The following USP24 variants were observed in gnomAD, a reference collection of about 807,000 sequenced individuals.
USP24 encodes ubiquitin specific peptidase 24, also known as ubiquitin carboxyl-terminal hydrolase 24.
In USP24, 97 loss-of-function variants were observed where a neutral mutation model predicts 361.6. The observed-to-expected ratio is 0.27, with a 90% CI of 0.23 to 0.32. The LOEUF (loss-of-function observed/expected upper bound fraction) is 0.32, where lower values mean the gene tolerates loss of function less well. Among genes scored for constraint, USP24 ranks in the 10% least tolerant of loss-of-function variants. The probability of loss-of-function intolerance (pLI) is 1.00; values close to 1 mark genes in which losing one functional copy is unlikely to be tolerated. For synonymous variants in USP24, 1,098 were observed against 1,124.6 expected, an observed-to-expected ratio of 0.98 and a Z score of 0.47; for missense variants, 2,353 against 3,165.6, an observed-to-expected ratio of 0.74 and a Z score of 6.16.
chr1:55,109,075 G>C (rs1053058622), intron 39 of USP24, among the ~76,000 whole-genome samples: 4 of 152,172 alleles, frequency 2.6e-5, no homozygotes, highest in Admixed American at 2.6e-4. Context: ...TGCAACCTCT[G>C]CCTCCTGGGT....
chr1:55,215,050 TG>T lies in USP24; in HGVS notation c.63del (p.Thr22ProfsTer115). Reference sequence around the variant, plus strand: ...GCCAGGCGCAGGGCCTTGCGGATGGTGGCGGGGTCTGAGAAGCCCATGCACA... The same window carrying T: ...GCCAGGCGCAGGGCCTTGCGGATGGTGCGGGGTCTGAGAAGCCCATGCACA... ...TLLCMGFSDP[A>X]TIRKALRLAK... On this transcript the variant is annotated frameshift_variant, in exon 1 of 68. Coordinates refer to ENST00000294383, the MANE Select transcript of USP24 (RefSeq NM_015306.3). LOFTEE classifies it high-confidence loss of function. The T allele has an allele frequency of 6.8e-7, 1 of 1,464,734 alleles. No individual in the cohort carries two copies. The highest frequency in any genetic ancestry group is 9.0e-7 in the Non-Finnish European group (1 of 1,105,444). The allele number at this position is 1,464,734 out of a possible 1,614,324, so 90.7% of individuals were successfully genotyped here. A position where few individuals can be genotyped will look rare whatever the true frequency, so the allele number is the denominator to read the frequency against.
chr1:55,096,372 T>C, intron 50 of USP24, 126 bp downstream of exon 50: 4 of 782,604 alleles, frequency 5.1e-6, no homozygotes, highest in Non-Finnish European at 5.4e-6. Flanking sequence ...ATGGTTCTAT[T>C]GCTAGAACAG....
At chr1:55,155,053 A>G (rs1647494398) in intron 12 of USP24, among the ~76,000 whole-genome samples, 1 of 152,084 alleles carries the variant, frequency 6.6e-6, no homozygotes, top group East Asian at 1.9e-4. Context: ...TCAGTGTGAC[A>G]TATTTCACTT....
Position 55,162,256 on chromosome 1 carries a change from T to A in USP24, c.936A>T (p.Ser312=), listed in dbSNP as rs1477209584. 6.3e-7 allele frequency: 1 copy of A among 1,575,668 alleles called. No individual in the cohort carries two copies. Among genetic ancestry groups the A allele is most frequent in the Admixed American group, 1.9e-5 (1 of 52,648 alleles). ...ACACTCCTAAGGGCTGAATCAGTGC[T>A]GAGACAGCCTGGAAAAAGACAGTGA... ...HSEDIELGAV[S]ALIQPLGVCA... is the part of the protein sequence containing the mutation. The change falls in exon 8 of 68, where the codon TCA becomes TCT. Residue 312 remains serine (S), a synonymous_variant. Coordinates refer to ENST00000294383, the MANE Select transcript of USP24 (RefSeq NM_015306.3).
At chr1:55,176,563 T>G (rs1650000757) in intron 2 of USP24, 120 bp from the exon 3 acceptor site, 3 of 852,982 alleles carry the variant, frequency 3.5e-6, no homozygotes, top group East Asian at 5.5e-5. Context: ...ATCATATACA[T>G]CATTCTAAAT....
rs772865911 is a variant in USP24 at position 55,075,625 on chromosome 1, G to GACA, written c.7381-105_7381-103dup. The GACA allele has an allele frequency of 1.3e-5, 8 of 624,572 alleles. No homozygotes were observed. The African/African-American group carries it at 2.0e-4, about 15-fold the overall frequency. 38.7% of individuals were successfully genotyped at this position (624,572 alleles called of 1,614,324 possible). A position where few individuals can be genotyped will look rare whatever the true frequency, so the allele number is the denominator to read the frequency against. On this transcript the variant is annotated intron_variant, in intron 62 of 67. Transcript: ENST00000294383. ...TACCCAAGAGATTAATTTAGTGTTT[G>GACA]ACAACAACAACAACAACAACAACAA...
At chr1:55,069,618 C>T (rs1644879262) in intron 67 of USP24, among the ~76,000 whole-genome samples, 1 of 151,616 alleles carries the variant, frequency 6.6e-6, no homozygotes, top group Admixed American at 6.6e-5. Context: ...GGAGCAAGGA[C>T]AGTCTCTCTA....
At chr1:55,183,022 A>G (rs1368080539) in intron 1 of USP24, among the ~76,000 whole-genome samples, 1 of 152,154 alleles carries the variant, frequency 6.6e-6, no homozygotes, top group South Asian at 2.1e-4. Flanking sequence ...CCTGGCCAAA[A>G]AACAGTCTAA....
At chr1:55,175,283 A>C (rs973370867) in intron 3 of USP24, among the ~76,000 whole-genome samples, 2 of 129,826 alleles carry the variant, frequency 1.5e-5, no homozygotes, top group Non-Finnish European at 3.1e-5. Context: ...CTGGAGTGCA[A>C]TGGTGTGATC....
Position 55,212,977 on chromosome 1 carries a change from G to A in USP24, c.324+1813C>T, listed in dbSNP as rs1428584140. Reference sequence around the variant, plus strand: ...GTACTGGCAGTAAGCTAAGGTTAGCGCTAATGTTAACATGAATGCACCAAG... The same window carrying A: ...GTACTGGCAGTAAGCTAAGGTTAGCACTAATGTTAACATGAATGCACCAAG... On this transcript the variant is annotated intron_variant, in intron 1 of 67. Coordinates refer to ENST00000294383, the MANE Select transcript of USP24 (RefSeq NM_015306.3). 2.0e-5 allele frequency among the ~76,000 whole-genome samples: 3 copies of A among 152,232 alleles called. No homozygotes were observed. The South Asian group carries it at 6.2e-4, about 32-fold the overall frequency.
intron 39 of USP24, among the ~76,000 whole-genome samples, chr1:55,107,852 A>AAC (rs1645827877): frequency 7.2e-6 from 1 of 139,034 alleles, no homozygotes; most frequent in African/African-American, 2.7e-5. Context: ...AAAAAAAAAA[A>AAC]AAAAAAAAAA....
Position 55,143,124 on chromosome 1 carries a change from T to C in USP24, c.2440-5A>G. 1 of 1,479,552 alleles carries C rather than the reference T, an allele frequency of 6.8e-7. No individual in the cohort carries two copies. Among genetic ancestry groups the C allele is most frequent in the Non-Finnish European group, 8.9e-7 (1 of 1,121,554 alleles). The allele number at this position is 1,479,552 out of a possible 1,614,324, so 91.7% of individuals were successfully genotyped here. On this transcript the variant is annotated splice_polypyrimidine_tract_variant and splice_region_variant and intron_variant, in intron 21 of 67. Transcript: ENST00000294383. ...CAATTCCAGCTTTTCTACATACTGT[T>C]CAAAAGAAAAAAAATTAAATTATAA...
intron 1 of USP24, among the ~76,000 whole-genome samples, chr1:55,208,024 T>C (rs1459658998): frequency 6.6e-6 from 1 of 152,236 alleles, no homozygotes; most frequent in African/African-American, 2.4e-5. Context: ...GTATCATGGC[T>C]GAAGCATTTT....
intron 1 of USP24, among the ~76,000 whole-genome samples, chr1:55,213,464 A>G (rs1393225766): frequency 6.6e-6 from 1 of 152,228 alleles, no homozygotes; most frequent in Non-Finnish European, 1.5e-5. Flanking sequence ...AACTGTTGCA[A>G]AAGCATACAA....
At chr1:55,092,776 A>C in intron 53 of USP24, 45 bp downstream of exon 53, 1 of 1,354,256 alleles carries the variant, frequency 7.4e-7, no homozygotes, top group Non-Finnish European at 1.0e-6. Flanking sequence ...AAGCATATTT[A>C]ATTGTAACCC....
Position 55,139,016 on chromosome 1 carries a change from G to T in USP24, c.2751-6C>A, listed in dbSNP as rs771720465. ...TTATTACAAGTTTAGTAGATCTATA[G>T]ATTAAAAAAAAAAAGTATTAAAATG... On this transcript the variant is annotated splice_region_variant and splice_polypyrimidine_tract_variant and intron_variant, in intron 24 of 67. Coordinates refer to ENST00000294383, the MANE Select transcript of USP24 (RefSeq NM_015306.3). 6.3e-6 allele frequency: 10 copies of T among 1,592,666 alleles called. No homozygotes were observed. In the African/African-American group the frequency reaches 1.2e-4, roughly 20 times the overall value.
At chr1:55,194,075 G>A (rs1644356726) in intron 1 of USP24, among the ~76,000 whole-genome samples, 1 of 152,124 alleles carries the variant, frequency 6.6e-6, no homozygotes, top group South Asian at 2.1e-4. Flanking sequence ...CTTATATAAT[G>A]CACCCCAAGC....
At chr1:55,100,763 A>G in intron 44 of USP24, 76 bp downstream of exon 44, 1 of 1,412,044 alleles carries the variant, frequency 7.1e-7, no homozygotes, top group Non-Finnish European at 9.3e-7. Context: ...TAAAAACAAA[A>G]AACCATTACC....
chr1:55,097,733 AG>A lies in USP24; in HGVS notation c.5596-17del. 1 of 1,524,596 alleles carries A rather than the reference AG, an allele frequency of 6.6e-7. No homozygotes were observed. The highest frequency in any genetic ancestry group is 8.8e-7 in the Non-Finnish European group (1 of 1,140,898). 94.4% of individuals were successfully genotyped at this position (1,524,596 alleles called of 1,614,324 possible). A position where few individuals can be genotyped will look rare whatever the true frequency, so the allele number is the denominator to read the frequency against. The stretch of plus-strand genomic sequence containing the variant: ...CTGTTATTCTCTAAAGAAAAAAAAA[AG>A]GAAAAAGAGCAAATCTGAATGATCT... On this transcript the variant is annotated splice_polypyrimidine_tract_variant and intron_variant, in intron 47 of 67. Transcript: ENST00000294383.
Sources: allele counts gnomAD v4.1 joint callset (sites outside exome capture counted in the v4.1 genomes callset), GRCh38; gene constraint gnomAD v4.1.1; transcripts MANE v1.5; gene names NCBI Gene and HGNC (gene_info 2026-07-23, HGNC 2026-07-21).